CHST6: variants seen among roughly 807,000 people sequenced by gnomAD.
CHST6 encodes carbohydrate sulfotransferase 6.
For synonymous variants in CHST6, 309 were observed against 276.4 expected (o/e 1.12, Z -1.17); for missense variants, 698 against 586.2 (o/e 1.19, Z -1.97).
chr16:75,479,373 C>T lies in CHST6; in HGVS notation c.456G>A (p.Leu152=). The T allele has an allele frequency of 1.2e-6, 2 of 1,612,718 alleles. No individual in the cohort carries two copies. Among genetic ancestry groups the T allele is most frequent in the East Asian group, 2.2e-5 (1 of 44,872 alleles). Residue 152 remains leucine, a synonymous_variant, in exon 3 of 3, where the codon CTG becomes CTA. Transcript: ENST00000332272. The part of the protein sequence containing the change: ...AISSEAVCKP[L]CARQSFTLAR... ...CCAGGGTGAAGGACTGCCGCGCGCA[C>T]AGTGGCTTGCACACGGCCTCGCTGC...
intron 2 of CHST6, 70 bp from the exon 3 acceptor site, chr16:75,479,914 C>T: frequency 7.4e-7 from 1 of 1,353,168 alleles, no homozygotes; most frequent in Non-Finnish European, 1.0e-6. Context: ...CTGCCCAGTG[C>T]CCGCAGGGGG....
rs1226008132 is a variant in CHST6, at chr16:75,472,364, A to C, written c.*6277T>G. The stretch of plus-strand genomic sequence containing the variant: ...CAACAACAACAAAAAACAGATGACA[A>C]GCTAGGAGAAACCATTTGCACAACA... On this transcript the variant is annotated 3_prime_UTR_variant, in exon 3 of 3. Transcript: ENST00000332272. 1 of 152,218 alleles carries C rather than the reference A, an allele frequency of 6.6e-6. No individual in the cohort carries two copies. The highest frequency in any genetic ancestry group is 6.6e-5 in the Admixed American group (1 of 15,266). The allele number at this position is 152,218 out of a possible 1,614,324, so 9.4% of individuals were successfully genotyped here.
At chr16:75,488,289 C>T (rs1228212969) in intron 1 of CHST6, among the ~76,000 whole-genome samples, 3 of 151,770 alleles carry the variant, frequency 2.0e-5, no homozygotes, top group Non-Finnish European at 4.4e-5. Context: ...CATGGTGAAA[C>T]CTCGTCTCTA....
At position 75,474,751 on chromosome 16, in the gene CHST6, T is replaced by G. The variant is rs2080049505; in HGVS notation, c.*3890A>C. 2.5e-6 allele frequency: 1 copy of G among 398,304 alleles called. No individual in the cohort carries two copies. Among genetic ancestry groups the G allele is most frequent in the Admixed American group, 4.4e-5 (1 of 22,698 alleles). 24.7% of individuals were successfully genotyped at this position (398,304 alleles called of 1,614,324 possible). On this transcript the variant is annotated 3_prime_UTR_variant, in exon 3 of 3. Coordinates refer to ENST00000332272, the MANE Select transcript of CHST6 (RefSeq NM_021615.5). ...AGAGAAAGACAAAGAATGAACTCCTTCATTTAAAAGGCACCACTCTCAGGA... is the reference window on the plus strand; with the variant it reads ...AGAGAAAGACAAAGAATGAACTCCTGCATTTAAAAGGCACCACTCTCAGGA...
intron 1 of CHST6, among the ~76,000 whole-genome samples, chr16:75,487,806 TAA>T (rs771817845): frequency 2.5e-4 from 14 of 56,192 alleles, no homozygotes; most frequent in East Asian, 2.0e-3. Context: ...CCGTCCCCCC[TAA>T]AAAAAAAAAA....
chr16:75,479,253 C>G lies in CHST6; in HGVS notation c.576G>C (p.Ala192=). 6.2e-7 allele frequency: 1 copy of G among 1,612,314 alleles called. No individual in the cohort carries two copies. The highest frequency in any genetic ancestry group is 8.5e-7 in the Non-Finnish European group (1 of 1,179,746). Residue 192 remains alanine (A), a synonymous_variant, in exon 3 of 3, where the codon GCG becomes GCC. Coordinates refer to ENST00000332272, the MANE Select transcript of CHST6 (RefSeq NM_021615.5). ...CCAGGTGCACGATGCGTAGGTTGAGCGCGGGGTCGCTGAGCAGCGGGTAGA... is the reference window on the plus strand; with the variant it reads ...CCAGGTGCACGATGCGTAGGTTGAGGGCGGGGTCGCTGAGCAGCGGGTAGA... ...QVLYPLLSDP[A]LNLRIVHLVR...
intron 1 of CHST6, among the ~76,000 whole-genome samples, chr16:75,492,432 C>T (rs902968349): frequency 2.6e-5 from 4 of 152,254 alleles, no homozygotes; most frequent in Non-Finnish European, 4.4e-5. Context: ...AGAGCCCTCT[C>T]ATTACAGAGA....
intron 1 of CHST6, among the ~76,000 whole-genome samples, chr16:75,489,942 C>T (rs1022481650): frequency 1.3e-4 from 19 of 151,878 alleles, no homozygotes; most frequent in Admixed American, 3.3e-4. Context: ...TTTGGGAGGC[C>T]GAGGTGTGTG....
chr16:75,487,806 TAAAAAA>T (rs771817845), intron 1 of CHST6, among the ~76,000 whole-genome samples: 5 of 56,202 alleles, frequency 8.9e-5, no homozygotes, highest in Non-Finnish European at 1.3e-4. Context: ...CCGTCCCCCC[TAAAAAA>T]AAAAAAAAAA....
In CHST6 at chr16:75,478,753, C is replaced by A; in HGVS notation, c.1076G>T (p.Arg359Leu). Residue 359 changes from arginine (R) to leucine (L), a missense_variant, in exon 3 of 3, where the codon CGG (arginine) becomes CTG (leucine). Coordinates refer to ENST00000332272, the MANE Select transcript of CHST6 (RefSeq NM_021615.5). The part of the protein sequence containing the change: ...CAGALQLLGY[R>L]PVYSEDEQRN... Reference sequence around the variant, plus strand: ...CTGCTCGTCCTCAGAGTACACAGGCCGGTAGCCCAGCAGCTGCAGCGCACC... The same window carrying A: ...CTGCTCGTCCTCAGAGTACACAGGCAGGTAGCCCAGCAGCTGCAGCGCACC... 6.2e-7 allele frequency: 1 copy of A among 1,613,524 alleles called. No homozygotes were observed. Among genetic ancestry groups the A allele is most frequent in the Non-Finnish European group, 8.5e-7 (1 of 1,180,022 alleles).
At chr16:75,493,905 C>T (rs566684497) in intron 1 of CHST6, among the ~76,000 whole-genome samples, 4 of 152,230 alleles carry the variant, frequency 2.6e-5, no homozygotes, top group South Asian at 2.1e-4. Context: ...AGTGAAGTAC[C>T]GCAATCTCAG....
rs61740900 is a variant in CHST6, at chr16:75,478,869, C to A, written c.960G>T (p.Lys320Asn). Residue 320 changes from lysine (K) to asparagine (N), a missense_variant, in exon 3 of 3, where the codon AAG (lysine) becomes AAT (asparagine). Physicochemically the swap from Lys to Asn is moderately conservative, Grantham distance 94. Coordinates refer to ENST00000332272, the MANE Select transcript of CHST6 (RefSeq NM_021615.5). ...CGTTGAGCGCATTCCTGGACGAAGTCTTGAAGGCTTCGCGGCGCGCACCAG... is the reference window on the plus strand; with the variant it reads ...CGTTGAGCGCATTCCTGGACGAAGTATTGAAGGCTTCGCGGCGCGCACCAG... Reference protein sequence around the residue: ...SGPGARREAFKTSSRNALNVS... With the variant: ...SGPGARREAFNTSSRNALNVS... The A allele has an allele frequency of 1.1e-5, 18 of 1,613,468 alleles. No homozygotes were observed. Among genetic ancestry groups the A allele is most frequent in the Non-Finnish European group, 1.5e-5 (18 of 1,179,984 alleles).
In CHST6 at chr16:75,474,891, G is replaced by A. The variant is rs142693604; in HGVS notation, c.*3750C>T. ...GCTCACTGCAATCTCTGCCTCCTGG[G>A]TTCAAGCGATTCTCCTGTCTCAGCC... On this transcript the variant is annotated 3_prime_UTR_variant, in exon 3 of 3. Transcript: ENST00000332272. The A allele has an allele frequency of 5.2e-6, 2 of 384,612 alleles. No individual in the cohort carries two copies. Among genetic ancestry groups the A allele is most frequent in the Non-Finnish European group, 9.2e-6 (2 of 217,764 alleles). The allele number at this position is 384,612 out of a possible 1,614,324, so 23.8% of individuals were successfully genotyped here.
chr16:75,484,820 G>A (rs1194692270), intron 1 of CHST6, among the ~76,000 whole-genome samples: 1 of 152,060 alleles, frequency 6.6e-6, no homozygotes, highest in African/African-American at 2.4e-5. Flanking sequence ...CTCCAGCCTG[G>A]GCGACAGAGC....
At chr16:75,481,954 C>T in intron 1 of CHST6, 63 bp from the exon 2 acceptor site, 1 of 434,700 alleles carries the variant, frequency 2.3e-6, no homozygotes. Flanking sequence ...AAAAGCGACA[C>T]AACTTCTCTG....
intron 1 of CHST6, among the ~76,000 whole-genome samples, chr16:75,491,025 G>A (rs901913037): frequency 8.6e-5 from 13 of 150,978 alleles, no homozygotes; most frequent in East Asian, 3.9e-4. Flanking sequence ...ACTTTGGGCC[G>A]GACGCAGTGG....
intron 2 of CHST6, among the ~76,000 whole-genome samples, chr16:75,481,011 C>A (rs912376915): frequency 4.6e-5 from 7 of 151,262 alleles, no homozygotes; most frequent in Non-Finnish European, 8.8e-5. Flanking sequence ...GTAATCCCAG[C>A]ACTTTAGGAG....
chr16:75,477,933 C>T lies in CHST6; in HGVS notation c.*708G>A, dbSNP rs1234607004. ...CCCAGCCTTCTCTCCTCCTACCTTT[C>T]CCACTTATTGCCTCCTTCCAGGCTT... On this transcript the variant is annotated 3_prime_UTR_variant, in exon 3 of 3. Transcript: ENST00000332272. 6.5e-6 allele frequency: 1 copy of T among 154,064 alleles called. No homozygotes were observed. Among genetic ancestry groups the T allele is most frequent in the Non-Finnish European group, 1.4e-5 (1 of 69,398 alleles). The allele number at this position is 154,064 out of a possible 1,614,324, so 9.5% of individuals were successfully genotyped here. A position where few individuals can be genotyped will look rare whatever the true frequency, so the allele number is the denominator to read the frequency against.
rs898657846 is a variant in CHST6 at position 75,478,403 on chromosome 16, G to A, written c.*238C>T. ...ACACCCTGTGCCCAGAGGAGGAGGG[G>A]CAAGAGTTGCTTTCCATGAAGAGTG... On this transcript the variant is annotated 3_prime_UTR_variant, in exon 3 of 3. Transcript: ENST00000332272. 8 of 567,446 alleles carry A rather than the reference G, an allele frequency of 1.4e-5. No homozygotes were observed. The highest frequency in any genetic ancestry group is 1.3e-4 in the African/African-American group (7 of 53,218). 35.2% of individuals were successfully genotyped at this position (567,446 alleles called of 1,614,324 possible).
Sources: allele counts gnomAD v4.1 joint callset (sites outside exome capture counted in the v4.1 genomes callset), GRCh38; gene constraint gnomAD v4.1.1; transcripts MANE v1.5; gene names NCBI Gene and HGNC (gene_info 2026-07-23, HGNC 2026-07-21).